The following CFAP54 variants were observed in gnomAD, a reference collection of about 807,000 sequenced individuals.
The protein encoded by CFAP54 is cilia and flagella associated protein 54.
In CFAP54, 290 loss-of-function variants were observed where a neutral mutation model predicts 370.4. The ratio of observed to expected loss-of-function variants is 0.78; its 90% CI spans 0.71 to 0.86. The LOEUF (loss-of-function observed/expected upper bound fraction) is 0.86, where lower values mean the gene tolerates loss of function less well. CFAP54 is among the 40% of genes least tolerant of loss of function. The probability of loss-of-function intolerance (pLI) is 0.00; values close to 1 mark genes in which losing one functional copy is unlikely to be tolerated. For synonymous variants in CFAP54, 1,206 were observed against 1,236.5 expected (o/e 0.98, Z 0.52); for missense variants, 3,399 against 3,528.7 (o/e 0.96, Z 0.93).
At chr12:96,738,192 G>A (rs1288794130) in intron 50 of CFAP54, among the ~76,000 whole-genome samples, 4 of 152,142 alleles carry the variant, frequency 2.6e-5, no homozygotes, top group Non-Finnish European at 5.9e-5. Flanking sequence ...CATGAAGTGC[G>A]ACTCACAGAG....
At chr12:96,625,952 C>T in intron 29 of CFAP54, 145 bp downstream of exon 29, 1 of 601,000 alleles carries the variant, frequency 1.7e-6, no homozygotes, top group Admixed American at 3.2e-5. Context: ...CAGAATAATG[C>T]AGAATCCTGA....
rs539354562 is a variant in CFAP54 at position 96,551,479 on chromosome 12, A to G, written c.2155-2703A>G. ...ACCTTCCTGAGCCTGCGATTCTTGA[A>G]TGGGTATGTGTGTGTGTGTGTGTGT... On this transcript the variant is annotated intron_variant, in intron 15 of 67. Coordinates refer to ENST00000524981, the MANE Select transcript of CFAP54 (RefSeq NM_001306084.2). Among the ~76,000 whole-genome samples, 5 of 119,540 alleles carry G rather than the reference A, an allele frequency of 4.2e-5. No homozygotes were observed. In the South Asian group the frequency reaches 1.6e-3, roughly 37 times the overall value. 78.4% of individuals were successfully genotyped at this position (119,540 alleles called of 152,430 possible).
chr12:96,743,005 A>G (rs1175476570), intron 52 of CFAP54, among the ~76,000 whole-genome samples: 1 of 152,192 alleles, frequency 6.6e-6, no homozygotes, highest in Non-Finnish European at 1.5e-5. Flanking sequence ...AATGGAGACA[A>G]TTGTACCTAC....
chr12:96,584,446 A>T (rs1956057508), intron 22 of CFAP54, among the ~76,000 whole-genome samples: 1 of 152,188 alleles, frequency 6.6e-6, no homozygotes, highest in Non-Finnish European at 1.5e-5. Flanking sequence ...CCTGAGTGAC[A>T]GAGCGAGACC....
intron 26 of CFAP54, among the ~76,000 whole-genome samples, chr12:96,616,164 C>A (rs1228939300): frequency 4.6e-5 from 7 of 152,158 alleles, no homozygotes; most frequent in Non-Finnish European, 5.9e-5. Context: ...ACATATATAC[C>A]ATGGAATACT....
intron 3 of CFAP54, among the ~76,000 whole-genome samples, chr12:96,504,977 C>CTTTCTTTCTTCTTTCTT (rs1369543342): frequency 3.4e-5 from 5 of 146,060 alleles, no homozygotes; most frequent in Non-Finnish European, 6.0e-5. Context: ...CTTTCTTTCC[C>CTTTCTTTCTTCTTTCTT]TTTCTTTCTT....
At position 96,691,298 on chromosome 12, in the gene CFAP54, G is replaced by A. The variant is rs1169250288; in HGVS notation, c.6252G>A (p.Arg2084=). Residue 2084 remains arginine (R), a synonymous_variant, in exon 44 of 68, where the codon AGG becomes AGA. Coordinates refer to ENST00000524981, the MANE Select transcript of CFAP54 (RefSeq NM_001306084.2). Reference sequence around the variant, plus strand: ...TTATACGTGAACTGCACTTTGTTAGGCAAAACCTAATAGTAAGTAATTTGT... The same window carrying A: ...TTATACGTGAACTGCACTTTGTTAGACAAAACCTAATAGTAAGTAATTTGT... The part of the protein sequence containing the change: ...YYIIRELHFV[R]QNLIVLPLLA... The A allele has an allele frequency of 1.3e-6, 2 of 1,589,318 alleles. No homozygotes were observed. Among genetic ancestry groups the A allele is most frequent in the South Asian group, 1.2e-5 (1 of 85,678 alleles).
chr12:96,734,520 C>T (rs1957958320), intron 50 of CFAP54, among the ~76,000 whole-genome samples: 1 of 151,960 alleles, frequency 6.6e-6, no homozygotes, highest in Non-Finnish European at 1.5e-5. Flanking sequence ...TCTTATTTAA[C>T]CCTTATAATA....
chr12:96,782,071 T>G (rs1385960223), intron 60 of CFAP54, among the ~76,000 whole-genome samples: 1 of 152,028 alleles, frequency 6.6e-6, no homozygotes, highest in Non-Finnish European at 1.5e-5. Flanking sequence ...AGTCACTACT[T>G]TAATAGATTG....
chr12:96,763,314 G>T (rs939244099), intron 58 of CFAP54, among the ~76,000 whole-genome samples: 18 of 151,786 alleles, frequency 1.2e-4, no homozygotes, highest in Non-Finnish European at 2.5e-4. Context: ...TGTTTGTTTT[G>T]CTATTCTATG....
At chr12:96,723,041 A>G (rs1957777623) in intron 50 of CFAP54, among the ~76,000 whole-genome samples, 2 of 152,190 alleles carry the variant, frequency 1.3e-5, no homozygotes, top group African/African-American at 2.4e-5. Flanking sequence ...GTGTTATTCA[A>G]ATCTTCCCAG....
chr12:96,699,208 G>A (rs182478137), intron 45 of CFAP54, among the ~76,000 whole-genome samples: 2 of 152,308 alleles, frequency 1.3e-5, no homozygotes, highest in East Asian at 1.9e-4. Flanking sequence ...AGTCTGATTG[G>A]TTGCGGACAG....
rs550674143 is a variant in CFAP54 at position 96,636,297 on chromosome 12, G to T, written c.4316+5646G>T. On this transcript the variant is annotated intron_variant, in intron 32 of 67. Transcript: ENST00000524981. ...GATTCAATTTCTTTGAGATTACTAT[G>T]TCTCTTTGAGTCTGTAATCTTTTTT... is the stretch of plus-strand genomic sequence containing the variant. Among the ~76,000 whole-genome samples, 37 of 152,176 alleles carry T rather than the reference G, an allele frequency of 2.4e-4. No individual in the cohort carries two copies. In the South Asian group the frequency reaches 6.8e-3, roughly 28 times the overall value.
At chr12:96,497,484 A>G (rs1047824008) in intron 1 of CFAP54, among the ~76,000 whole-genome samples, 23 of 152,348 alleles carry the variant, frequency 1.5e-4, no homozygotes, top group Admixed American at 1.3e-4. Flanking sequence ...TCACATAAAT[A>G]TAGCCAACTT....
At position 96,500,940 on chromosome 12, in the gene CFAP54, G is replaced by T. The variant is rs1165764070; in HGVS notation, c.423+1G>T. 4 of 1,524,622 alleles carry T rather than the reference G, an allele frequency of 2.6e-6. No homozygotes were observed. The highest frequency in any genetic ancestry group is 3.5e-6 in the Non-Finnish European group (4 of 1,137,152). 94.4% of individuals were successfully genotyped at this position (1,524,622 alleles called of 1,614,324 possible). A position where few individuals can be genotyped will look rare whatever the true frequency, so the allele number is the denominator to read the frequency against. On this transcript the variant is annotated splice_donor_variant, in intron 2 of 67. Transcript: ENST00000524981. LOFTEE classifies it high-confidence loss of function. Reference sequence around the variant, plus strand: ...TGGAGATAGCCTTTGTCAAATGAAAGTAAGTGCCTCTGCAGGAAAGAGCCA... The same window carrying T: ...TGGAGATAGCCTTTGTCAAATGAAATTAAGTGCCTCTGCAGGAAAGAGCCA...
chr12:96,534,395 A>C lies in CFAP54; in HGVS notation c.1705+168A>C, dbSNP rs973677732. Among the ~76,000 whole-genome samples, 7 of 152,304 alleles carry C rather than the reference A, an allele frequency of 4.6e-5. No homozygotes were observed. In the East Asian group the frequency reaches 1.3e-3, roughly 29 times the overall value. ...AATGGCATGGGGGTATGTGTGACCA[A>C]GTGTGGTAGGTGACAAGGTTAGAGA... On this transcript the variant is annotated intron_variant, in intron 11 of 67. Coordinates refer to ENST00000524981, the MANE Select transcript of CFAP54 (RefSeq NM_001306084.2).
At chr12:96,668,163 AG>A (rs1289673452) in intron 39 of CFAP54, among the ~76,000 whole-genome samples, 2 of 152,182 alleles carry the variant, frequency 1.3e-5, no homozygotes, top group Non-Finnish European at 2.9e-5. Context: ...GTAAATCTCT[AG>A]GAAGTTCCAA....
In CFAP54 at chr12:96,521,927, C is replaced by A. The variant is rs769629447; in HGVS notation, c.1013C>A (p.Ser338Tyr). 1 of 1,534,702 alleles carries A rather than the reference C, an allele frequency of 6.5e-7. No individual in the cohort carries two copies. Among genetic ancestry groups the A allele is most frequent in the South Asian group, 1.2e-5 (1 of 83,970 alleles). Residue 338 changes from serine to tyrosine, a missense_variant, in exon 7 of 68, where the codon TCC becomes TAC. By Grantham distance (144) the Ser-to-Tyr change is moderately radical. Around this residue, in one of 3 missense-constraint regions of CFAP54, gnomAD observed 559 missense variants for 576.7 expected, o/e 0.97. Transcript: ENST00000524981. ...CTGGAATTAATGAGTTCCTCAAAAT[C>A]CCAGGAAGAATCGCGAAGATATTTT... The part of the protein sequence containing the change: ...RQLELMSSSK[S>Y]QEESRRYFRE...
intron 48 of CFAP54, among the ~76,000 whole-genome samples, chr12:96,713,328 T>C (rs1277514345): frequency 6.6e-6 from 1 of 152,126 alleles, no homozygotes; most frequent in Non-Finnish European, 1.5e-5. Context: ...ATGATATATA[T>C]ACACGATGAA....
Sources: gnomAD v4.1 joint callset for allele counts (sites outside exome capture counted in the v4.1 genomes callset) on GRCh38, gnomAD v4.1.1 for gene constraint, gnomAD v4.1.1 regional missense constraint, MANE v1.5 for transcripts, NCBI Gene and HGNC (gene_info 2026-07-23, HGNC 2026-07-21) for gene names.